The following CADM3 variants were observed in gnomAD, a reference collection of about 807,000 sequenced individuals.
The protein encoded by CADM3 is TSLC1-like 1.
In CADM3, 11 loss-of-function variants were observed where a neutral mutation model predicts 44.9. That is an observed-to-expected ratio of 0.25 (90% CI 0.15 to 0.41). The LOEUF (loss-of-function observed/expected upper bound fraction) is 0.41. Among genes scored for constraint, CADM3 ranks in the 10% least tolerant of loss-of-function variants. The pLI is 1.00. For missense variants in CADM3, 426 were observed against 512.0 expected (o/e 0.83, Z 1.62); for synonymous variants, 207 against 205.2 (o/e 1.01, Z -0.08).
chr1:159,193,556 C>T lies in CADM3; in HGVS notation c.516C>T (p.Leu172=), dbSNP rs761194172. 1 of 1,614,046 alleles carries T rather than the reference C, an allele frequency of 6.2e-7. No individual in the cohort carries two copies. The highest frequency in any genetic ancestry group is 2.2e-5 in the East Asian group (1 of 44,894). ...CCTGGAGAAAGGGTGACCAAGAACTCCACGGTGAGTACCTCCTGCCTTGGG... is the reference window on the plus strand; with the variant it reads ...CCTGGAGAAAGGGTGACCAAGAACTTCACGGTGAGTACCTCCTGCCTTGGG... ...RLTWRKGDQE[L]HGEPTRIQED... The change falls in exon 4 of 9, where the codon CTC becomes CTT. Residue 172 remains leucine (L), a synonymous_variant. Coordinates refer to ENST00000368125, the MANE Select transcript of CADM3 (RefSeq NM_001127173.3).
intron 7 of CADM3, chr1:159,197,379 GC>G (rs1480945668): frequency 4.2e-5 from 10 of 240,232 alleles, no homozygotes; most frequent in Non-Finnish European, 7.3e-5. Flanking sequence ...AGGCCCCAAA[GC>G]CTCTCAAGTG....
At chr1:159,196,264 C>A in intron 5 of CADM3, 100 bp from the exon 6 acceptor site, 1 of 850,424 alleles carries the variant, frequency 1.2e-6, no homozygotes, top group Non-Finnish European at 1.9e-6. Flanking sequence ...TCTTGAGCTG[C>A]GGAAACATTT....
chr1:159,192,564 CT>C lies in CADM3; in HGVS notation c.230-12del. The C allele has an allele frequency of 6.2e-7, 1 of 1,614,126 alleles. No individual in the cohort carries two copies. Among genetic ancestry groups the C allele is most frequent in the Non-Finnish European group, 8.5e-7 (1 of 1,180,030 alleles). On this transcript the variant is annotated splice_polypyrimidine_tract_variant and intron_variant, in intron 2 of 8. Transcript: ENST00000368125. The stretch of plus-strand genomic sequence containing the variant: ...CAGTAAAATCCTAGCTTTCCATTCT[CT>C]TGATTTCCCCAGCCCTTCGAGATAA...
rs763535327 is a variant in CADM3, at chr1:159,201,614, G to A, written c.*692G>A. 231 of 152,428 alleles carry A rather than the reference G, an allele frequency of 1.5e-3. No individual in the cohort carries two copies. The highest frequency in any genetic ancestry group is 1.0e-3 in the South Asian group (5 of 4,828). 9.4% of individuals were successfully genotyped at this position (152,428 alleles called of 1,614,324 possible). ...CCCAGGACTGTAACCTGGGGAGGAC[G>A]CGGGTCCCTGCAAGGAAGAGTAGAT... On this transcript the variant is annotated 3_prime_UTR_variant, in exon 9 of 9. Transcript: ENST00000368125.
In CADM3 at chr1:159,193,927, C is replaced by G; in HGVS notation, c.578C>G (p.Ser193Trp). The part of the protein sequence containing the change: ...PNGKTFTVSS[S>W]VTFQVTREDD... ...GGTAAAACCTTCACTGTCAGCAGCT[C>G]GGTGACATTCCAGGTTACCCGGGAG... The change falls in exon 5 of 9, where the codon TCG becomes TGG. Residue 193 changes from serine (S) to tryptophan (W), a missense_variant. By Grantham distance (177) the Ser-to-Trp change is radical. Transcript: ENST00000368125. The G allele has an allele frequency of 2.5e-6, 4 of 1,614,176 alleles. No homozygotes were observed. Among genetic ancestry groups the G allele is most frequent in the Non-Finnish European group, 3.4e-6 (4 of 1,180,024 alleles).
rs940902134 is a variant in CADM3 at position 159,192,012 on chromosome 1, C to T, written c.165C>T (p.His55=). The part of the protein sequence containing the change: ...TVVLKCQVKD[H]EDSSLQWSNP... ...TGCTCAAGTGCCAAGTGAAAGATCA[C>T]GAGGACTCATCCCTGCAATGGTCTA... Residue 55 remains histidine (H), a synonymous_variant, in exon 2 of 9, where the codon CAC becomes CAT. Transcript: ENST00000368125. 48 of 1,614,004 alleles carry T rather than the reference C, an allele frequency of 3.0e-5. No individual in the cohort carries two copies. Among genetic ancestry groups the T allele is most frequent in the African/African-American group, 6.7e-5 (5 of 74,914 alleles).
At position 159,193,956 on chromosome 1, in the gene CADM3, G is replaced by A; in HGVS notation, c.607G>A (p.Asp203Asn). 6.2e-7 allele frequency: 1 copy of A among 1,614,238 alleles called. No individual in the cohort carries two copies. Among genetic ancestry groups the A allele is most frequent in the South Asian group, 1.1e-5 (1 of 91,090 alleles). ...GACATTCCAGGTTACCCGGGAGGAT[G>A]ATGGGGCGAGCATCGTGTGCTCTGT... ...SVTFQVTRED[D>N]GASIVCSVNH... The change falls in exon 5 of 9, where the codon GAT (aspartate) becomes AAT (asparagine). Residue 203 changes from aspartate (D) to asparagine (N), a missense_variant. Asp to Asn is a conservative substitution (Grantham distance 23, BLOSUM62 1). Around this residue, in one of 2 missense-constraint regions of CADM3, gnomAD observed 362 missense variants for 474.6 expected, o/e 0.76. Coordinates refer to ENST00000368125, the MANE Select transcript of CADM3 (RefSeq NM_001127173.3).
rs964063463 is a variant in CADM3, at chr1:159,171,625, C to G, written c.-141C>G. 9 of 488,350 alleles carry G rather than the reference C, an allele frequency of 1.8e-5. No homozygotes were observed. Among genetic ancestry groups the G allele is most frequent in the Non-Finnish European group, 2.9e-5 (9 of 309,488 alleles). The allele number at this position is 488,350 out of a possible 1,614,324, so 30.3% of individuals were successfully genotyped here. A position where few individuals can be genotyped will look rare whatever the true frequency, so the allele number is the denominator to read the frequency against. Reference sequence around the variant, plus strand: ...GACTGCAGCAGCGCCGGCTCCCTCCCGGTCCCCACCTCGGCCCCGGGCTCC... The same window carrying G: ...GACTGCAGCAGCGCCGGCTCCCTCCGGGTCCCCACCTCGGCCCCGGGCTCC... On this transcript the variant is annotated 5_prime_UTR_variant, in exon 1 of 9. Coordinates refer to ENST00000368125, the MANE Select transcript of CADM3 (RefSeq NM_001127173.3).
intron 1 of CADM3, among the ~76,000 whole-genome samples, chr1:159,183,985 A>G (rs1391846458): frequency 6.6e-6 from 1 of 152,228 alleles, no homozygotes; most frequent in Non-Finnish European, 1.5e-5. Flanking sequence ...TGTGCTCTAA[A>G]GTCAAAGCAA....
intron 1 of CADM3, among the ~76,000 whole-genome samples, chr1:159,181,402 A>G (rs1331989533): frequency 6.6e-6 from 1 of 152,186 alleles, no homozygotes; most frequent in African/African-American, 2.4e-5. Flanking sequence ...TGGGATAAAC[A>G]GACACTCCTA....
chr1:159,193,860 T>C lies in CADM3; in HGVS notation c.521-10T>C. 1 of 1,612,054 alleles carries C rather than the reference T, an allele frequency of 6.2e-7. No individual in the cohort carries two copies. The highest frequency in any genetic ancestry group is 1.1e-5 in the South Asian group (1 of 90,768). On this transcript the variant is annotated splice_polypyrimidine_tract_variant and intron_variant, in intron 4 of 8. Transcript: ENST00000368125. ...GTGTTTGTGTGTGTGCCACTGTTTC[T>C]GCACTCTAGGAGAACCAACCCGCAT...
At chr1:159,191,643 T>G (rs1398053297) in intron 1 of CADM3, among the ~76,000 whole-genome samples, 3 of 152,230 alleles carry the variant, frequency 2.0e-5, no homozygotes, top group African/African-American at 7.2e-5. Context: ...TGTGCAGATT[T>G]GGGGTGCCTT....
At chr1:159,190,514 G>A (rs1471968868) in intron 1 of CADM3, among the ~76,000 whole-genome samples, 1 of 152,152 alleles carries the variant, frequency 6.6e-6, no homozygotes, top group Non-Finnish European at 1.5e-5. Context: ...GGGATTCCAT[G>A]ATCCCAAAGA....
chr1:159,192,669 G>A lies in CADM3; in HGVS notation c.321G>A (p.Glu107=), dbSNP rs1649720170. ...ATGTGGCCCTGGCAGACGAGGGCGAGTACACCTGCTCAATCTTCACTATGC... is the reference window on the plus strand; with the variant it reads ...ATGTGGCCCTGGCAGACGAGGGCGAATACACCTGCTCAATCTTCACTATGC... ...ISNVALADEG[E]YTCSIFTMPV... The change falls in exon 3 of 9, where the codon GAG becomes GAA. Residue 107 remains glutamate, a synonymous_variant. Coordinates refer to ENST00000368125, the MANE Select transcript of CADM3 (RefSeq NM_001127173.3). 4.3e-6 allele frequency: 7 copies of A among 1,614,064 alleles called. No homozygotes were observed. The highest frequency in any genetic ancestry group is 1.3e-5 in the African/African-American group (1 of 75,008).
intron 1 of CADM3, among the ~76,000 whole-genome samples, chr1:159,173,617 A>C (rs972920354): frequency 5.3e-5 from 8 of 152,142 alleles, no homozygotes; most frequent in African/African-American, 1.9e-4. Flanking sequence ...CACGACAGAG[A>C]GGCTGCTGGG....
chr1:159,191,823 C>T (rs1405753218), intron 1 of CADM3, 113 bp from the exon 2 acceptor site: 1 of 1,256,932 alleles, frequency 8.0e-7, no homozygotes, highest in Non-Finnish European at 1.1e-6. Flanking sequence ...ACACAGAGAC[C>T]TTGTGTACAC....
At chr1:159,189,661 T>C (rs1293971287) in intron 1 of CADM3, 5 of 777,232 alleles carry the variant, frequency 6.4e-6, no homozygotes, top group Non-Finnish European at 8.4e-6. Flanking sequence ...CTGGTGAACC[T>C]ATTTTTCACA....
intron 8 of CADM3, 30 bp from the exon 9 acceptor site, chr1:159,200,774 C>T (rs1650151700): frequency 1.3e-6 from 2 of 1,529,150 alleles, no homozygotes; most frequent in Admixed American, 2.0e-5. Flanking sequence ...GAAGCTGCTC[C>T]TGAGAGGAGA....
At chr1:159,197,170 T>A in intron 7 of CADM3, 110 bp downstream of exon 7, 1 of 1,229,996 alleles carries the variant, frequency 8.1e-7, no homozygotes, top group Non-Finnish European at 1.1e-6. Flanking sequence ...GGGAGTGGAG[T>A]AAAGGAAAAC....
Sources: gnomAD v4.1 joint callset for allele counts (sites outside exome capture counted in the v4.1 genomes callset) on GRCh38, gnomAD v4.1.1 for gene constraint, gnomAD v4.1.1 regional missense constraint, MANE v1.5 for transcripts, NCBI Gene and HGNC (gene_info 2026-07-23, HGNC 2026-07-21) for gene names.